BAZ1A: variants seen among roughly 807,000 people sequenced by gnomAD.
BAZ1A encodes bromodomain adjacent to zinc finger domain protein 1A.
Under a neutral mutation model 185.2 loss-of-function variants are expected in BAZ1A, and 50 were observed. The observed-to-expected ratio is 0.27, with a 90% confidence interval of 0.22 to 0.34. The LOEUF (loss-of-function observed/expected upper bound fraction) is 0.34, where lower values mean the gene tolerates loss of function less well. Among genes scored for constraint, BAZ1A ranks in the 10% least tolerant of loss-of-function variants. The pLI is 1.00. For synonymous variants in BAZ1A, 571 were observed against 615.6 expected, an observed-to-expected ratio of 0.93 and a Z score of 1.07; for missense variants, 1,356 against 1,839.9, an observed-to-expected ratio of 0.74 and a Z score of 4.81.
At chr14:34,829,036 C>T (rs2042202197) in intron 3 of BAZ1A, among the ~76,000 whole-genome samples, 1 of 152,128 alleles carries the variant, frequency 6.6e-6, no homozygotes, top group Non-Finnish European at 1.5e-5. Flanking sequence ...GTGAGAAAGG[C>T]GGATCAATTG....
At chr14:34,823,187 C>T (rs1178551554) in intron 4 of BAZ1A, among the ~76,000 whole-genome samples, 1 of 151,480 alleles carries the variant, frequency 6.6e-6, no homozygotes, top group Non-Finnish European at 1.5e-5. Context: ...AACCCACTCT[C>T]TACTAAAAAA....
intron 9 of BAZ1A, among the ~76,000 whole-genome samples, chr14:34,799,160 C>T (rs1881366438): frequency 7.0e-6 from 1 of 142,982 alleles, no homozygotes; most frequent in African/African-American, 2.6e-5. Context: ...CGCATGTTCT[C>T]ACTCATAGGT....
At chr14:34,856,834 G>T (rs2042687551) in intron 3 of BAZ1A, among the ~76,000 whole-genome samples, 1 of 143,312 alleles carries the variant, frequency 7.0e-6, no homozygotes, top group East Asian at 2.1e-4. Context: ...CTCTAGCCTG[G>T]GGCAGTGAGA....
intron 2 of BAZ1A, among the ~76,000 whole-genome samples, chr14:34,866,998 G>A (rs914414932): frequency 3.3e-5 from 5 of 150,010 alleles, no homozygotes; most frequent in Non-Finnish European, 7.4e-5. Context: ...GGTGGCTCAC[G>A]CCTATAATCC....
At chr14:34,829,805 C>T (rs535987459) in intron 3 of BAZ1A, among the ~76,000 whole-genome samples, 34 of 152,290 alleles carry the variant, frequency 2.2e-4, no homozygotes, top group South Asian at 1.0e-3. Context: ...TCCCTGACCA[C>T]ACTTCTTCTC....
intron 2 of BAZ1A, among the ~76,000 whole-genome samples, chr14:34,870,269 C>CT (rs1395388998): frequency 6.6e-6 from 1 of 152,186 alleles, no homozygotes; most frequent in African/African-American, 2.4e-5. Context: ...GGAATCTCTG[C>CT]TATACCATCC....
intron 14 of BAZ1A, among the ~76,000 whole-genome samples, chr14:34,785,067 GC>G: frequency 6.6e-6 from 1 of 152,058 alleles, no homozygotes; most frequent in Non-Finnish European, 1.5e-5. Context: ...TGTTGGCCAG[GC>G]TGGTCTCGAA....
chr14:34,856,280 CAA>C (rs962141308), intron 3 of BAZ1A, among the ~76,000 whole-genome samples: 1 of 144,364 alleles, frequency 6.9e-6, no homozygotes, highest in African/African-American at 2.6e-5. Context: ...TAACTGAACT[CAA>C]GAGCATCTTT....
At chr14:34,843,875 T>C (rs1310392289) in intron 3 of BAZ1A, among the ~76,000 whole-genome samples, 5 of 152,152 alleles carry the variant, frequency 3.3e-5, no homozygotes, top group African/African-American at 4.8e-5. Flanking sequence ...CTATGGTCCA[T>C]GGCCAAATCC....
In BAZ1A at chr14:34,754,868, A is replaced by G. The variant is rs1886174572; in HGVS notation, c.4433T>C (p.Ile1478Thr). 4 of 1,604,684 alleles carry G rather than the reference A, an allele frequency of 2.5e-6. No homozygotes were observed. The highest frequency in any genetic ancestry group is 2.6e-6 in the Non-Finnish European group (3 of 1,175,356). ...DIIKKPIALNIIREKVNKCEY... is the reference protein window; with the variant it reads ...DIIKKPIALNTIREKVNKCEY... ...ACACTTATTCACTTTTTCACGAATTATATTTAAGGCAATGGGCTTTTTGAT... is the reference window on the plus strand; with the variant it reads ...ACACTTATTCACTTTTTCACGAATTGTATTTAAGGCAATGGGCTTTTTGAT... Residue 1478 changes from isoleucine (I) to threonine (T), a missense_variant, in exon 26 of 27, where the codon ATA becomes ACA. Ile to Thr is a moderately conservative substitution (Grantham distance 89, BLOSUM62 -1). This residue lies in a region of BAZ1A where 61 missense variants were observed against 117.9 expected (regional missense o/e 0.52). Transcript: ENST00000360310.
intron 4 of BAZ1A, 80 bp from the exon 5 acceptor site, chr14:34,811,116 A>G (rs1834637274): frequency 1.0e-6 from 1 of 976,458 alleles, no homozygotes. Flanking sequence ...GTTTCTAAGA[A>G]TATACTATAA....
At chr14:34,760,817 A>G (rs1886490231) in intron 24 of BAZ1A, among the ~76,000 whole-genome samples, 1 of 152,244 alleles carries the variant, frequency 6.6e-6, no homozygotes, top group Admixed American at 6.5e-5. Context: ...GCGCCACTGC[A>G]CAGCAGCCTG....
At chr14:34,871,655 C>T (rs1254831605) in intron 2 of BAZ1A, among the ~76,000 whole-genome samples, 3 of 152,332 alleles carry the variant, frequency 2.0e-5, no homozygotes, top group Non-Finnish European at 2.9e-5. Flanking sequence ...GGTGGATCAC[C>T]TGAGGTCAGG....
In BAZ1A at chr14:34,874,431, A is replaced by T; in HGVS notation, c.113+61T>A. 6.8e-7 allele frequency: 1 copy of T among 1,462,266 alleles called. No individual in the cohort carries two copies. Among genetic ancestry groups the T allele is most frequent in the Non-Finnish European group, 9.6e-7 (1 of 1,047,024 alleles). 90.6% of individuals were successfully genotyped at this position (1,462,266 alleles called of 1,614,324 possible). On this transcript the variant is annotated intron_variant, in intron 2 of 26. Coordinates refer to ENST00000360310, the MANE Select transcript of BAZ1A (RefSeq NM_013448.3). The surrounding 1 kb of genome is among the most constrained non-coding windows in gnomAD (Gnocchi z 4.7). ...AGGGCGAGGAAAAGGAGAGAGACAA[A>T]AGAGCGCTGCGGGGGGAGTCCCCAC...
At position 34,874,697 on chromosome 14, in the gene BAZ1A, G is replaced by T; in HGVS notation, c.-58-35C>A. On this transcript the variant is annotated intron_variant, in intron 1 of 26. Coordinates refer to ENST00000360310, the MANE Select transcript of BAZ1A (RefSeq NM_013448.3). The surrounding 1 kb of genome is among the most constrained non-coding windows in gnomAD (Gnocchi z 4.7). Reference sequence around the variant, plus strand: ...TTGGAGGGAAAGGAAAGCCGGTAAGGTGGGGAGCCCTCGGCGGCAGCGTGG... The same window carrying T: ...TTGGAGGGAAAGGAAAGCCGGTAAGTTGGGGAGCCCTCGGCGGCAGCGTGG... The T allele has an allele frequency of 9.0e-7, 1 of 1,116,712 alleles. No individual in the cohort carries two copies. Among genetic ancestry groups the T allele is most frequent in the Non-Finnish European group, 1.3e-6 (1 of 792,318 alleles). 69.2% of individuals were successfully genotyped at this position (1,116,712 alleles called of 1,614,324 possible). A position where few individuals can be genotyped will look rare whatever the true frequency, so the allele number is the denominator to read the frequency against.
chr14:34,769,854 A>C (rs1054784929), intron 21 of BAZ1A, among the ~76,000 whole-genome samples: 9 of 149,428 alleles, frequency 6.0e-5, no homozygotes, highest in African/African-American at 2.3e-4. Flanking sequence ...GGATTTACAC[A>C]AAGAAAATCC....
intron 15 of BAZ1A, 25 bp downstream of exon 15, chr14:34,783,737 C>A: frequency 6.3e-7 from 1 of 1,594,920 alleles, no homozygotes; most frequent in East Asian, 2.2e-5. Context: ...CTTTCATTAA[C>A]ACAACTATTA....
chr14:34,775,900 A>AT lies in BAZ1A; in HGVS notation c.2833+18dup. ...GGGGGAGGGAAAAAAAGTAAAAACAATTTTCATTGAAAATTTACCTGAAAA... is the reference window on the plus strand; with the variant it reads ...GGGGGAGGGAAAAAAAGTAAAAACAATTTTTCATTGAAAATTTACCTGAAAA... On this transcript the variant is annotated intron_variant, in intron 18 of 26. Coordinates refer to ENST00000360310, the MANE Select transcript of BAZ1A (RefSeq NM_013448.3). The AT allele has an allele frequency of 6.4e-7, 1 of 1,552,258 alleles. No individual in the cohort carries two copies. The highest frequency in any genetic ancestry group is 8.7e-7 in the Non-Finnish European group (1 of 1,147,982).
chr14:34,780,703 T>C (rs898100025), intron 16 of BAZ1A, among the ~76,000 whole-genome samples: 7 of 151,742 alleles, frequency 4.6e-5, no homozygotes, highest in Non-Finnish European at 1.0e-4. Flanking sequence ...TTGAGAAAAG[T>C]GTAAAGGAGA....
Sources: gnomAD v4.1 joint callset for allele counts (sites outside exome capture counted in the v4.1 genomes callset) on GRCh38, gnomAD v4.1.1 for gene constraint, gnomAD v4.1.1 regional missense constraint, Gnocchi (gnomAD v3.1) non-coding constraint, MANE v1.5 for transcripts, NCBI Gene and HGNC (gene_info 2026-07-23, HGNC 2026-07-21) for gene names.